Variants in FBXL7 observed in about 807,000 individuals in gnomAD.
FBXL7 encodes the protein F-box/LRR-repeat protein 7.
A neutral mutation model predicts 38.3 loss-of-function variants in FBXL7; 12 were observed. The observed-to-expected ratio is 0.31, with a 90% confidence interval of 0.20 to 0.51. The LOEUF (loss-of-function observed/expected upper bound fraction) is 0.51, where lower values mean the gene tolerates loss of function less well. Among genes scored for constraint, FBXL7 ranks in the 20% least tolerant of loss-of-function variants. The pLI is 0.98. For synonymous variants in FBXL7, 297 were observed against 300.9 expected, an observed-to-expected ratio of 0.99 and a Z score of 0.13; for missense variants, 567 against 676.4, an observed-to-expected ratio of 0.84 and a Z score of 1.79.
chr5:15,726,509 A>G (rs1280399103), intron 2 of FBXL7, among the ~76,000 whole-genome samples: 1 of 152,020 alleles, frequency 6.6e-6, no homozygotes, highest in African/African-American at 2.4e-5. Flanking sequence ...CCTGGCCAAT[A>G]TGGTGAAACC....
chr5:15,705,487 G>T (rs1743654196), intron 2 of FBXL7, among the ~76,000 whole-genome samples: 1 of 152,170 alleles, frequency 6.6e-6, no homozygotes, highest in Admixed American at 6.5e-5. Context: ...CCATTAAAGA[G>T]CTTGAATCTG....
chr5:15,896,984 A>G (rs1741118717), intron 2 of FBXL7, among the ~76,000 whole-genome samples: 1 of 152,110 alleles, frequency 6.6e-6, no homozygotes, highest in Non-Finnish European at 1.5e-5. Flanking sequence ...AAATATAAAA[A>G]TTAGCAAGGC....
intron 2 of FBXL7, among the ~76,000 whole-genome samples, chr5:15,920,721 A>G (rs1469995259): frequency 2.0e-5 from 3 of 152,148 alleles, no homozygotes; most frequent in East Asian, 1.9e-4. Context: ...GGGTTTCACC[A>G]TGTTCACCAG....
chr5:15,645,482 C>T (rs1328595585), intron 2 of FBXL7, among the ~76,000 whole-genome samples: 1 of 152,146 alleles, frequency 6.6e-6, no homozygotes, highest in Non-Finnish European at 1.5e-5. Flanking sequence ...CCTTTCCAAA[C>T]CCAACCAACA....
chr5:15,912,952 G>A (rs6878886), intron 2 of FBXL7, among the ~76,000 whole-genome samples: 122,117 of 152,160 alleles, frequency 0.8, 49,389 homozygotes, highest in African/African-American at 0.83. Context: ...AGAGCCCAGC[G>A]TGCTGCAGAG....
At chr5:15,742,522 A>G (rs1010146283) in intron 2 of FBXL7, among the ~76,000 whole-genome samples, 1 of 152,184 alleles carries the variant, frequency 6.6e-6, no homozygotes, top group African/African-American at 2.4e-5. Flanking sequence ...TGTAAAAGCA[A>G]TGAGCGAGCA....
chr5:15,527,195 G>A (rs185365428), intron 1 of FBXL7, among the ~76,000 whole-genome samples: 55 of 152,278 alleles, frequency 3.6e-4, no homozygotes, highest in Admixed American at 2.9e-3. Flanking sequence ...TGTAAAGTGA[G>A]ATTCTTGTTA....
chr5:15,902,783 C>A (rs11749742), intron 2 of FBXL7, among the ~76,000 whole-genome samples: 80,510 of 152,154 alleles, frequency 0.53, 22,599 homozygotes, highest in Non-Finnish European at 0.63. Flanking sequence ...AATCCAAGAT[C>A]ATGTTGTCAT....
In FBXL7 at chr5:15,896,557, A is replaced by G. The variant is rs61489070; in HGVS notation, c.128-31333A>G. ...CAGTGGCATGTGCCACCAGTTCTCCAGCTGGAAAGCCCAGATCACAGGCCT... is the reference window on the plus strand; with the variant it reads ...CAGTGGCATGTGCCACCAGTTCTCCGGCTGGAAAGCCCAGATCACAGGCCT... On this transcript the variant is annotated intron_variant, in intron 2 of 3. Coordinates refer to ENST00000504595, the MANE Select transcript of FBXL7 (RefSeq NM_012304.5). 7.0e-3 allele frequency among the ~76,000 whole-genome samples: 1,064 copies of G among 152,272 alleles called. 19 individuals carry two copies. The highest frequency in any genetic ancestry group is 0.024 in the African/African-American group (1,010 of 41,558).
intron 2 of FBXL7, among the ~76,000 whole-genome samples, chr5:15,832,126 A>G (rs1738474989): frequency 6.6e-6 from 1 of 152,180 alleles, no homozygotes; most frequent in Non-Finnish European, 1.5e-5. Flanking sequence ...AATTTAGATT[A>G]TTCTGGCTTT....
At chr5:15,881,885 A>G (rs1740467265) in intron 2 of FBXL7, among the ~76,000 whole-genome samples, 1 of 152,214 alleles carries the variant, frequency 6.6e-6, no homozygotes, top group African/African-American at 2.4e-5. Context: ...AAAGAGGTCT[A>G]ATTGGCTCAT....
intron 2 of FBXL7, among the ~76,000 whole-genome samples, chr5:15,638,725 A>G (rs1741266456): frequency 6.6e-6 from 1 of 152,144 alleles, no homozygotes; most frequent in African/African-American, 2.4e-5. Context: ...CAGTTTGTAC[A>G]CCTGGTCCTT....
intron 1 of FBXL7, among the ~76,000 whole-genome samples, chr5:15,515,310 A>C (rs1736905165): frequency 6.6e-6 from 1 of 152,178 alleles, no homozygotes; most frequent in South Asian, 2.1e-4. Context: ...AAGTGACTTG[A>C]CCAATAGCAC....
chr5:15,609,175 G>A (rs904254873), intron 1 of FBXL7, among the ~76,000 whole-genome samples: 3 of 152,170 alleles, frequency 2.0e-5, no homozygotes, highest in African/African-American at 4.8e-5. Context: ...ACTCCTTAGT[G>A]TGCTACTCAC....
At chr5:15,606,618 G>A (rs2126502609) in intron 1 of FBXL7, 1 of 152,352 alleles carries the variant, frequency 6.6e-6, no homozygotes, top group East Asian at 1.9e-4. Flanking sequence ...GTGCCAGTTA[G>A]GACATTCAGT....
chr5:15,854,455 G>A (rs1004950214), intron 2 of FBXL7, among the ~76,000 whole-genome samples: 2 of 152,146 alleles, frequency 1.3e-5, no homozygotes, highest in African/African-American at 4.8e-5. Context: ...GACTTTACCT[G>A]AATGTTAATT....
At chr5:15,815,975 T>C (rs1431767575) in intron 2 of FBXL7, among the ~76,000 whole-genome samples, 2 of 152,178 alleles carry the variant, frequency 1.3e-5, no homozygotes, top group African/African-American at 2.4e-5. Flanking sequence ...CCTAATGATT[T>C]AGATAGAAGT....
intron 2 of FBXL7, among the ~76,000 whole-genome samples, chr5:15,848,684 G>A (rs537063736): frequency 1.2e-4 from 18 of 152,146 alleles, no homozygotes; most frequent in East Asian, 1.9e-4. Context: ...CCGGCCGCAT[G>A]TTTAATGGAA....
At chr5:15,709,165 A>G (rs528434976) in intron 2 of FBXL7, among the ~76,000 whole-genome samples, 8 of 152,330 alleles carry the variant, frequency 5.3e-5, no homozygotes, top group African/African-American at 1.7e-4. Context: ...CCGTGGACAC[A>G]TAAGACCTGG....
Sources: gnomAD v4.1 joint callset for allele counts (sites outside exome capture counted in the v4.1 genomes callset) on GRCh38, gnomAD v4.1.1 for gene constraint, MANE v1.5 for transcripts, NCBI Gene and HGNC (gene_info 2026-07-23, HGNC 2026-07-21) for gene names.